Variants in SLC5A11 observed in about 807,000 individuals in gnomAD.
SLC5A11 encodes sodium/myo-inositol cotransporter 2.
A neutral mutation model predicts 69.8 loss-of-function variants in SLC5A11; 48 were observed. That is an observed-to-expected ratio of 0.69 (90% CI 0.55 to 0.87). SLC5A11 has a LOEUF of 0.87. Among genes scored for constraint, SLC5A11 ranks in the 40% least tolerant of loss-of-function variants. SLC5A11 has a pLI of 0.00. For synonymous variants in SLC5A11, 319 were observed against 342.4 expected (o/e 0.93, Z 0.75); for missense variants, 784 against 866.1 (o/e 0.91, Z 1.19).
intron 4 of SLC5A11, among the ~76,000 whole-genome samples, chr16:24,870,763 G>A (rs1032332831): frequency 5.0e-5 from 6 of 121,208 alleles, no homozygotes; most frequent in Non-Finnish European, 9.7e-5. Context: ...CTGGGCGACA[G>A]AGTGAGACTC....
chr16:24,878,501 CTGTT>C (rs1379978218), intron 7 of SLC5A11, among the ~76,000 whole-genome samples: 9 of 152,186 alleles, frequency 5.9e-5, no homozygotes, highest in African/African-American at 2.2e-4. Context: ...ATGTGTGTGT[CTGTT>C]TGTGTCTGTG....
chr16:24,868,314 G>C (rs1193565650), intron 3 of SLC5A11, among the ~76,000 whole-genome samples: 1 of 150,594 alleles, frequency 6.6e-6, no homozygotes, highest in Non-Finnish European at 1.5e-5. Context: ...TTAGAGGCCA[G>C]GTGTGGTGGC....
chr16:24,907,182 C>T lies in SLC5A11; in HGVS notation c.1265+7C>T, dbSNP rs1029185319. 1.1e-5 allele frequency: 17 copies of T among 1,613,666 alleles called. No individual in the cohort carries two copies. Among genetic ancestry groups the T allele is most frequent in the African/African-American group, 1.3e-5 (1 of 74,904 alleles). On this transcript the variant is annotated splice_region_variant and intron_variant, in intron 12 of 15. Transcript: ENST00000347898. Reference sequence around the variant, plus strand: ...AGCTCATGATTGTGGGCAGGTAAGTCCCCACTGGGTGGGGCTGGGGCAGGG... The same window carrying T: ...AGCTCATGATTGTGGGCAGGTAAGTTCCCACTGGGTGGGGCTGGGGCAGGG...
At chr16:24,878,993 C>G (rs967749887) in intron 7 of SLC5A11, among the ~76,000 whole-genome samples, 1 of 152,102 alleles carries the variant, frequency 6.6e-6, no homozygotes, top group Non-Finnish European at 1.5e-5. Context: ...CAAGATCACA[C>G]CACTGCACTC....
intron 3 of SLC5A11, among the ~76,000 whole-genome samples, chr16:24,869,159 C>T (rs993387788): frequency 1.4e-4 from 22 of 152,040 alleles, no homozygotes; most frequent in African/African-American, 3.1e-4. Context: ...TGAGCCAGAG[C>T]GCCCGGCTGG....
At chr16:24,910,325 T>A in exon 15 of SLC5A11, 2 of 1,614,038 alleles carry the variant, frequency 1.2e-6, no homozygotes, top group Non-Finnish European at 1.7e-6. Flanking sequence ...CTGACCTGGT[T>A]TACTCGTCAC....
chr16:24,849,486 G>A (rs2059167220), intron 1 of SLC5A11, among the ~76,000 whole-genome samples: 1 of 148,138 alleles, frequency 6.8e-6, no homozygotes. Context: ...AGAATCGCTT[G>A]AACCCGGGAG....
At chr16:24,884,799 G>A (rs1171505888) in intron 8 of SLC5A11, among the ~76,000 whole-genome samples, 1 of 151,768 alleles carries the variant, frequency 6.6e-6, no homozygotes, top group Non-Finnish European at 1.5e-5. Context: ...GAAGTGCAGT[G>A]ACACAGTCTT....
chr16:24,846,806 G>A (rs2059033856), intron 1 of SLC5A11: 1 of 152,214 alleles, frequency 6.6e-6, no homozygotes, highest in Non-Finnish European at 1.5e-5. Flanking sequence ...GATAACGAAG[G>A]TAAATGTATC....
intron 9 of SLC5A11, among the ~76,000 whole-genome samples, chr16:24,894,608 T>C (rs2049022489): frequency 6.6e-6 from 1 of 151,658 alleles, no homozygotes; most frequent in African/African-American, 2.4e-5. Context: ...AAGACCATCC[T>C]GGCTAACACA....
intron 1 of SLC5A11, among the ~76,000 whole-genome samples, chr16:24,856,664 AG>A (rs2059548986): frequency 6.7e-6 from 1 of 148,948 alleles, no homozygotes; most frequent in South Asian, 2.1e-4. Flanking sequence ...CCAGCTACTC[AG>A]GAGGCTGAGG....
intron 7 of SLC5A11, among the ~76,000 whole-genome samples, chr16:24,877,583 C>G (rs967915110): frequency 2.0e-5 from 3 of 152,196 alleles, no homozygotes; most frequent in Admixed American, 6.5e-5. Flanking sequence ...GGCTCGGTGG[C>G]TCATGCCCGT....
intron 1 of SLC5A11, among the ~76,000 whole-genome samples, chr16:24,857,344 G>A (rs566539542): frequency 6.6e-6 from 1 of 152,332 alleles, no homozygotes; most frequent in Admixed American, 6.5e-5. Context: ...CTGATCACTT[G>A]TGGTCAAAAA....
At chr16:24,861,666 AAG>A (rs1411114259) in intron 2 of SLC5A11, among the ~76,000 whole-genome samples, 6 of 145,904 alleles carry the variant, frequency 4.1e-5, no homozygotes, top group Non-Finnish European at 8.9e-5. Context: ...AAGAAAAAGA[AAG>A]AAAGGAAGGA....
chr16:24,849,593 A>AAAAAAAAAAATATATATAT, intron 1 of SLC5A11, among the ~76,000 whole-genome samples: 2 of 35,910 alleles, frequency 5.6e-5, no homozygotes, highest in Admixed American at 3.8e-4. Context: ...AAAAAAAAAA[A>AAAAAAAAAAATATATATAT]ATATATATAT....
chr16:24,886,408 T>C (rs1405457697), intron 8 of SLC5A11, among the ~76,000 whole-genome samples: 1 of 151,958 alleles, frequency 6.6e-6, no homozygotes, highest in African/African-American at 2.4e-5. Flanking sequence ...AGATGACAAA[T>C]ATAGAAGATA....
chr16:24,875,128 C>T (rs552432576), intron 5 of SLC5A11, among the ~76,000 whole-genome samples: 16 of 152,222 alleles, frequency 1.1e-4, no homozygotes, highest in Admixed American at 9.2e-4. Flanking sequence ...TGTAAGCCAT[C>T]GTGCATGGCC....
exon 4 of SLC5A11, chr16:24,869,942 T>C: frequency 6.2e-7 from 1 of 1,614,154 alleles, no homozygotes; most frequent in Non-Finnish European, 8.5e-7. Context: ...GAAGTGGACA[T>C]TTCATTGGCC....
chr16:24,877,196 C>A, intron 6 of SLC5A11, 62 bp from the exon 8 acceptor site: 2 of 1,595,608 alleles, frequency 1.3e-6, no homozygotes, highest in African/African-American at 1.3e-5. Flanking sequence ...ACCTGTGCTG[C>A]AAATGTCCAC....
Sources: gnomAD v4.1 joint callset for allele counts (sites outside exome capture counted in the v4.1 genomes callset) on GRCh38, gnomAD v4.1.1 for gene constraint, MANE v1.5 for transcripts, NCBI Gene and HGNC (gene_info 2026-07-23, HGNC 2026-07-21) for gene names.